The following SORCS1 variants were observed in gnomAD, a reference collection of about 807,000 sequenced individuals.
The protein encoded by SORCS1 is sortilin related VPS10 domain containing receptor 1.
In SORCS1, 60 loss-of-function variants were observed where a neutral mutation model predicts 146.1. The ratio of observed to expected loss-of-function variants is 0.41; its 90% confidence interval spans 0.33 to 0.51. The LOEUF is 0.51. Among genes scored for constraint, SORCS1 ranks in the 20% least tolerant of loss-of-function variants. The pLI, the probability that SORCS1 is intolerant of heterozygous loss-of-function variation, is 0.21. For synonymous variants in SORCS1, 637 were observed against 584.0 expected, an observed-to-expected ratio of 1.09 and a Z score of -1.31; for missense variants, 1,352 against 1,487.6, an observed-to-expected ratio of 0.91 and a Z score of 1.50.
chr10:106,674,328 CAAAAAA>C lies in SORCS1; in HGVS notation c.1940+715_1940+720del, dbSNP rs10658432. Among the ~76,000 whole-genome samples, 42 of 27,368 alleles carry C rather than the reference CAAAAAA, an allele frequency of 1.5e-3. 1 individual carries two copies. The East Asian group carries it at 0.049, about 32-fold the overall frequency. The allele number at this position is 27,368 out of a possible 152,430, so 18.0% of individuals were successfully genotyped here. A position where few individuals can be genotyped will look rare whatever the true frequency, so the allele number is the denominator to read the frequency against. ...TGGGCGACAGAGTAAGACTCCGTCT[CAAAAAA>C]AAAAAAAAAAAAAAAAAAAAAAAGT... On this transcript the variant is annotated intron_variant, in intron 14 of 25. Coordinates refer to ENST00000263054, the MANE Select transcript of SORCS1 (RefSeq NM_052918.5).
In SORCS1 at chr10:107,164,521, T is replaced by C; in HGVS notation, c.6A>G (p.Gly2=). Residue 2 remains glycine (G), a synonymous_variant, in exon 1 of 26, where the codon GGA becomes GGG. Coordinates refer to ENST00000263054, the MANE Select transcript of SORCS1 (RefSeq NM_052918.5). This position sits in a 1 kb window ranked among gnomAD's most constrained non-coding sequence, Gnocchi z 6.8. The part of the protein sequence containing the change: M[G]KVGAGGGSQA... Reference sequence around the variant, plus strand: ...GGGAGCCGCCGCCGGCGCCAACTTTTCCCATCGCGGGAGCGAAGAGCAGCG... The same window carrying C: ...GGGAGCCGCCGCCGGCGCCAACTTTCCCCATCGCGGGAGCGAAGAGCAGCG... 7.4e-7 allele frequency: 1 copy of C among 1,343,492 alleles called. No homozygotes were observed. The highest frequency in any genetic ancestry group is 9.5e-7 in the Non-Finnish European group (1 of 1,054,636). The allele number at this position is 1,343,492 out of a possible 1,614,324, so 83.2% of individuals were successfully genotyped here. A position where few individuals can be genotyped will look rare whatever the true frequency, so the allele number is the denominator to read the frequency against.
intron 23 of SORCS1, among the ~76,000 whole-genome samples, chr10:106,598,796 T>C (rs1846062362): frequency 6.6e-6 from 1 of 152,108 alleles, no homozygotes; most frequent in Admixed American, 6.5e-5. Context: ...ATGGCTTAGT[T>C]TGGAAACAGA....
chr10:107,143,509 T>C (rs1968023016), intron 1 of SORCS1, among the ~76,000 whole-genome samples: 2 of 152,010 alleles, frequency 1.3e-5, no homozygotes, highest in South Asian at 4.2e-4. Flanking sequence ...TCTTTTCTTT[T>C]CTTTTTCTTT....
intron 2 of SORCS1, among the ~76,000 whole-genome samples, chr10:106,955,784 A>T (rs906959325): frequency 9.2e-5 from 14 of 152,128 alleles, no homozygotes; most frequent in African/African-American, 3.4e-4. Flanking sequence ...TGAGGTCGGA[A>T]GTTCAAGATC....
chr10:106,892,129 T>A lies in SORCS1; in HGVS notation c.627-62456A>T, dbSNP rs144496133. Among the ~76,000 whole-genome samples, 219 of 152,320 alleles carry A rather than the reference T, an allele frequency of 1.4e-3. 1 individual carries two copies. Among genetic ancestry groups the A allele is most frequent in the African/African-American group, 4.8e-3 (201 of 41,580 alleles). Reference sequence around the variant, plus strand: ...TTTATAACCTACATGAGTTTGCTACTAGGCTGATCTGCAGATGTGAAATTG... The same window carrying A: ...TTTATAACCTACATGAGTTTGCTACAAGGCTGATCTGCAGATGTGAAATTG... On this transcript the variant is annotated intron_variant, in intron 2 of 25. Coordinates refer to ENST00000263054, the MANE Select transcript of SORCS1 (RefSeq NM_052918.5).
intron 2 of SORCS1, among the ~76,000 whole-genome samples, chr10:106,886,649 T>C (rs1951015535): frequency 6.6e-6 from 1 of 152,216 alleles, no homozygotes; most frequent in African/African-American, 2.4e-5. Flanking sequence ...GAATACCTAC[T>C]CTGCAGGTAT....
chr10:107,164,765 A>C (rs2134968930), upstream of SORCS1, among the ~76,000 whole-genome samples: 1 of 149,450 alleles, frequency 6.7e-6, no homozygotes, highest in Non-Finnish European at 1.5e-5. This position sits in a 1 kb window ranked among gnomAD's most constrained non-coding sequence, Gnocchi z 6.8. Context: ...GCTGAGCTGA[A>C]GTCACTGGCG....
the SORCS1 span, among the ~76,000 whole-genome samples, chr10:107,171,489 T>C: frequency 8.1e-6 from 1 of 123,042 alleles, no homozygotes; most frequent in Non-Finnish European, 1.8e-5. Context: ...GAAATTAACT[T>C]TAGAAAAGGT....
intron 1 of SORCS1, among the ~76,000 whole-genome samples, chr10:106,992,960 T>G (rs1324055437): frequency 1.3e-5 from 2 of 150,802 alleles, no homozygotes; most frequent in Middle Eastern, 3.4e-3. Flanking sequence ...GCCTCCCTAG[T>G]AGCTGGGATT....
At chr10:107,130,543 C>T (rs1354339069) in intron 1 of SORCS1, among the ~76,000 whole-genome samples, 3 of 152,262 alleles carry the variant, frequency 2.0e-5, no homozygotes, top group Non-Finnish European at 4.4e-5. Context: ...AGTTCAACAT[C>T]GTAACAACGG....
At chr10:106,672,407 T>C (rs572707214) in intron 15 of SORCS1, among the ~76,000 whole-genome samples, 2 of 152,270 alleles carry the variant, frequency 1.3e-5, no homozygotes, top group South Asian at 4.1e-4. Flanking sequence ...AGGCAAAAAG[T>C]ACCATATAGT....
intron 1 of SORCS1, among the ~76,000 whole-genome samples, chr10:107,074,142 T>A (rs144148992): frequency 6.6e-6 from 1 of 152,186 alleles, no homozygotes; most frequent in Non-Finnish European, 1.5e-5. Flanking sequence ...TCCACCATTA[T>A]AACATACGAA....
intron 1 of SORCS1, among the ~76,000 whole-genome samples, chr10:107,073,294 T>C (rs1962598300): frequency 6.6e-6 from 1 of 152,210 alleles, no homozygotes; most frequent in South Asian, 2.1e-4. Context: ...ATTTTTAAAA[T>C]ATAGCAAAAT....
intron 1 of SORCS1, among the ~76,000 whole-genome samples, chr10:106,972,981 C>T (rs1173711786): frequency 6.6e-6 from 1 of 152,154 alleles, no homozygotes; most frequent in African/African-American, 2.4e-5. Context: ...ATGGCTTGTG[C>T]TAGCTCTTCT....
At chr10:106,781,307 T>C (rs532188101) in intron 3 of SORCS1, among the ~76,000 whole-genome samples, 1 of 152,310 alleles carries the variant, frequency 6.6e-6, no homozygotes, top group African/African-American at 2.4e-5. Flanking sequence ...ATTTCTTTGG[T>C]CCTAATGGAA....
chr10:106,984,709 A>T (rs921092534), intron 1 of SORCS1, among the ~76,000 whole-genome samples: 9 of 151,886 alleles, frequency 5.9e-5, no homozygotes, highest in African/African-American at 1.9e-4. Flanking sequence ...TCTTAATTGT[A>T]AAAGTTACTA....
chr10:107,067,818 C>T (rs113690207), intron 1 of SORCS1, among the ~76,000 whole-genome samples: 10 of 152,074 alleles, frequency 6.6e-5, no homozygotes, highest in Admixed American at 5.9e-4. Context: ...ACCAACCTCA[C>T]GTGAATTGTT....
chr10:106,701,760 ATAACT>A (rs1399562293), intron 8 of SORCS1, among the ~76,000 whole-genome samples: 2 of 152,232 alleles, frequency 1.3e-5, no homozygotes, highest in Non-Finnish European at 2.9e-5. Flanking sequence ...TCTTGGCTCT[ATAACT>A]TAGCCATGTG....
rs1847482480 is a variant in SORCS1, at chr10:106,617,898, C to T, written c.2920+251G>A. ...TTAGCCTTACACATCCTAAAATCCA[C>T]TTTACACTATGAGTGAGTGAATAGT... On this transcript the variant is annotated intron_variant, in intron 21 of 25. Transcript: ENST00000263054. Among the ~76,000 whole-genome samples, 3 of 152,196 alleles carry T rather than the reference C, an allele frequency of 2.0e-5. No homozygotes were observed. The South Asian group carries it at 6.2e-4, about 31-fold the overall frequency.
Sources: gnomAD v4.1 joint callset for allele counts (sites outside exome capture counted in the v4.1 genomes callset) on GRCh38, gnomAD v4.1.1 for gene constraint, Gnocchi (gnomAD v3.1) non-coding constraint, MANE v1.5 for transcripts, NCBI Gene and HGNC (gene_info 2026-07-23, HGNC 2026-07-21) for gene names.